COLEC12: variants seen among roughly 807,000 people sequenced by gnomAD.
COLEC12 encodes collectin subfamily member 12, also known as collectin-12.
COLEC12 carries 33 observed loss-of-function variants against 71.1 expected under a neutral mutation model. The ratio of observed to expected loss-of-function variants is 0.46; its 90% CI spans 0.35 to 0.62. The LOEUF (loss-of-function observed/expected upper bound fraction) is 0.62. COLEC12 is among the 20% of genes least tolerant of loss of function. The probability of loss-of-function intolerance (pLI) is 0.00; values close to 1 mark genes in which losing one functional copy is unlikely to be tolerated. For synonymous variants in COLEC12, 350 were observed against 353.0 expected (o/e 0.99, Z 0.10); for missense variants, 765 against 916.1 (o/e 0.84, Z 2.13).
chr18:344,007 C>T (rs8088635), intron 5 of COLEC12, among the ~76,000 whole-genome samples: 3,526 of 152,268 alleles, frequency 0.023, 134 homozygotes, highest in African/African-American at 0.079. Flanking sequence ...TGATAAGCCA[C>T]GCTGTCTATA....
intron 3 of COLEC12, among the ~76,000 whole-genome samples, chr18:356,976 T>C (rs1171524423): frequency 6.6e-6 from 1 of 152,234 alleles, no homozygotes; most frequent in Non-Finnish European, 1.5e-5. Context: ...GGCCGATCCC[T>C]GGGTGAAGTA....
intron 3 of COLEC12, among the ~76,000 whole-genome samples, chr18:350,902 G>C (rs1407449307): frequency 6.7e-6 from 1 of 149,842 alleles, no homozygotes; most frequent in Middle Eastern, 3.2e-3. Flanking sequence ...GGAGGTTGCA[G>C]TGAGCCGAGA....
chr18:428,915 C>T (rs181466928), intron 2 of COLEC12, among the ~76,000 whole-genome samples: 1 of 152,218 alleles, frequency 6.6e-6, no homozygotes, highest in East Asian at 1.9e-4. Flanking sequence ...CGTAAAGGGG[C>T]TTTTATAAAA....
At position 500,566 on chromosome 18, in the gene COLEC12, C is replaced by G. The variant is rs1917804821; in HGVS notation, c.-52G>C. ...CGGGGAGCTCCGCGCGAGCGCCGCG[C>G]AGCCGAGGAAGTCGTCCCGAGCGGC... On this transcript the variant is annotated 5_prime_UTR_variant, in exon 1 of 10. Transcript: ENST00000400256. The surrounding 1 kb of genome is among the most constrained non-coding windows in gnomAD (Gnocchi z 5.3). 1 of 1,215,756 alleles carries G rather than the reference C, an allele frequency of 8.2e-7. No homozygotes were observed. Among genetic ancestry groups the G allele is most frequent in the Non-Finnish European group, 1.0e-6 (1 of 977,800 alleles). The allele number at this position is 1,215,756 out of a possible 1,614,324, so 75.3% of individuals were successfully genotyped here.
At chr18:430,552 T>C (rs1210855545) in intron 2 of COLEC12, among the ~76,000 whole-genome samples, 1 of 152,230 alleles carries the variant, frequency 6.6e-6, no homozygotes, top group Non-Finnish European at 1.5e-5. Context: ...TAAGAATTTA[T>C]TGGTATAGGC....
chr18:450,482 G>A (rs1008870097), intron 2 of COLEC12, among the ~76,000 whole-genome samples: 2 of 152,200 alleles, frequency 1.3e-5, no homozygotes, highest in African/African-American at 4.8e-5. Context: ...CCATTAAGAT[G>A]TGCCTGCTTC....
chr18:424,206 G>C (rs1916154008), intron 2 of COLEC12: 1 of 152,260 alleles, frequency 6.6e-6, no homozygotes, highest in African/African-American at 2.4e-5. Context: ...AGCCAGCCTG[G>C]TGACTCCCCC....
At chr18:373,566 T>C (rs1915048397) in intron 2 of COLEC12, among the ~76,000 whole-genome samples, 1 of 152,246 alleles carries the variant, frequency 6.6e-6, no homozygotes, top group South Asian at 2.1e-4. Context: ...CCATAAACTG[T>C]GCATGGCTTA....
chr18:446,202 T>G (rs533083669), intron 2 of COLEC12, among the ~76,000 whole-genome samples: 36 of 152,312 alleles, frequency 2.4e-4, no homozygotes, highest in Admixed American at 2.3e-3. Context: ...TGAACATTGA[T>G]GTACAAGTTT....
intron 2 of COLEC12, among the ~76,000 whole-genome samples, chr18:450,895 T>C (rs543965542): frequency 6.0e-5 from 9 of 149,170 alleles, no homozygotes; most frequent in Non-Finnish European, 1.2e-4. Flanking sequence ...AGGAATTTAT[T>C]GGGAACTGGA....
intron 8 of COLEC12, 122 bp downstream of exon 8, chr18:331,546 C>G (rs609224): frequency 1.1e-5 from 6 of 569,998 alleles, no homozygotes; most frequent in Admixed American, 6.5e-5. Context: ...CCAGGAGCCC[C>G]GGTTTGGGAG....
At chr18:487,606 G>A (rs1917544113) in intron 1 of COLEC12, among the ~76,000 whole-genome samples, 1 of 152,136 alleles carries the variant, frequency 6.6e-6, no homozygotes, top group African/African-American at 2.4e-5. Context: ...GTGGACACCG[G>A]GAACAGGAAA....
chr18:319,335 A>ATATATATATATAT lies in COLEC12; in HGVS notation c.*709_*710insATATATATATATA, dbSNP rs1354755711. 8.8e-4 allele frequency: 37 copies of ATATATATATATAT among 41,824 alleles called. No homozygotes were observed. Among genetic ancestry groups the ATATATATATATAT allele is most frequent in the Non-Finnish European group, 2.0e-3 (30 of 14,690 alleles). The allele number at this position is 41,824 out of a possible 1,614,324, so 2.6% of individuals were successfully genotyped here. On this transcript the variant is annotated 3_prime_UTR_variant, in exon 10 of 10. Transcript: ENST00000400256. Reference sequence around the variant, plus strand: ...AAATGAAACATTAAAAAAAAAAAAAAAAAAAAATATATATATATATATATA... The same window carrying ATATATATATATAT: ...AAATGAAACATTAAAAAAAAAAAAAATATATATATATATAAAAAAATATATATATATATATATA...
At chr18:348,490 A>C (rs1201469095) in intron 3 of COLEC12, among the ~76,000 whole-genome samples, 1 of 152,212 alleles carries the variant, frequency 6.6e-6, no homozygotes, top group Non-Finnish European at 1.5e-5. Flanking sequence ...GCTATTTCCT[A>C]TATTAATTTC....
chr18:465,160 G>C (rs1917060856), intron 2 of COLEC12, among the ~76,000 whole-genome samples: 3 of 152,208 alleles, frequency 2.0e-5, no homozygotes, highest in Admixed American at 2.0e-4. Context: ...CTGGAGTGCA[G>C]TGGTGGATCT....
At chr18:470,318 G>A (rs1598375390) in intron 2 of COLEC12, among the ~76,000 whole-genome samples, 1 of 136,028 alleles carries the variant, frequency 7.4e-6, no homozygotes, top group African/African-American at 2.8e-5. Context: ...TGCAACCTCC[G>A]TCTCCCAGGT....
At chr18:485,791 C>G (rs1482006350) in intron 1 of COLEC12, among the ~76,000 whole-genome samples, 2 of 152,208 alleles carry the variant, frequency 1.3e-5, no homozygotes, top group African/African-American at 4.8e-5. Context: ...CCAAGTTGGG[C>G]ACTAGCACTA....
At chr18:442,122 G>A (rs892071690) in intron 2 of COLEC12, among the ~76,000 whole-genome samples, 2 of 144,030 alleles carry the variant, frequency 1.4e-5, no homozygotes, top group African/African-American at 2.9e-5. Flanking sequence ...ATCCGATGTT[G>A]TATTCCTTAA....
intron 1 of COLEC12, among the ~76,000 whole-genome samples, chr18:489,994 C>T (rs1172994192): frequency 1.3e-5 from 2 of 152,206 alleles, no homozygotes; most frequent in African/African-American, 2.4e-5. Context: ...GCCCTCCATG[C>T]GCAAGTCCAC....
Sources: allele counts gnomAD v4.1 joint callset (sites outside exome capture counted in the v4.1 genomes callset), GRCh38; gene constraint gnomAD v4.1.1; non-coding constraint Gnocchi (gnomAD v3.1); transcripts MANE v1.5; gene names NCBI Gene and HGNC (gene_info 2026-07-23, HGNC 2026-07-21).